STXBP5L: variants seen among roughly 807,000 people sequenced by gnomAD.
The protein encoded by STXBP5L is syntaxin binding protein 5L, also known as syntaxin-binding protein 5-like.
A neutral mutation model predicts 144.5 loss-of-function variants in STXBP5L; 65 were observed. The ratio of observed to expected loss-of-function variants is 0.45; its 90% CI spans 0.37 to 0.55. The LOEUF (loss-of-function observed/expected upper bound fraction) is 0.55, where lower values mean the gene tolerates loss of function less well. Among genes scored for constraint, STXBP5L ranks in the 20% least tolerant of loss-of-function variants. The pLI is 0.00. For missense variants in STXBP5L, 1,298 were observed against 1,405.5 expected (o/e 0.92, Z 1.22); for synonymous variants, 505 against 469.6 (o/e 1.08, Z -0.97).
chr3:121,064,472 C>T (rs1323593449), intron 5 of STXBP5L, among the ~76,000 whole-genome samples: 3 of 152,190 alleles, frequency 2.0e-5, no homozygotes, highest in Non-Finnish European at 2.9e-5. Flanking sequence ...TGAAAAATTC[C>T]ACAAACACCC....
intron 17 of STXBP5L, among the ~76,000 whole-genome samples, chr3:121,258,497 A>G (rs543075489): frequency 1.8e-4 from 27 of 152,312 alleles, no homozygotes; most frequent in Admixed American, 1.6e-3. Flanking sequence ...TACTGGGAGG[A>G]AAATCTACAA....
intron 3 of STXBP5L, among the ~76,000 whole-genome samples, chr3:121,007,329 T>C (rs1304059248): frequency 6.6e-6 from 1 of 152,062 alleles, no homozygotes. Context: ...AAAGAATATT[T>C]GTCTGTAGCT....
chr3:121,350,013 G>T (rs2045203003), intron 20 of STXBP5L, among the ~76,000 whole-genome samples: 1 of 152,042 alleles, frequency 6.6e-6, no homozygotes, highest in Non-Finnish European at 1.5e-5. Context: ...GATGTTAGCT[G>T]GTTATTTTGC....
At chr3:121,077,581 T>C (rs914776960) in intron 5 of STXBP5L, among the ~76,000 whole-genome samples, 1 of 152,162 alleles carries the variant, frequency 6.6e-6, no homozygotes, top group Non-Finnish European at 1.5e-5. Context: ...GAAGGGGACC[T>C]GAGCGGGTTG....
chr3:121,029,835 GAAAA>G (rs553181828), intron 3 of STXBP5L, among the ~76,000 whole-genome samples: 19 of 143,122 alleles, frequency 1.3e-4, no homozygotes, highest in African/African-American at 3.8e-4. Context: ...AAATTTACAA[GAAAA>G]AAAAAACCCC....
chr3:121,024,169 G>T (rs617721), intron 3 of STXBP5L, among the ~76,000 whole-genome samples: 1 of 151,946 alleles, frequency 6.6e-6, no homozygotes, highest in African/African-American at 2.4e-5. Flanking sequence ...TGCAAAACAT[G>T]TATCTAAAAA....
chr3:121,302,165 A>G (rs1259865831), intron 19 of STXBP5L, among the ~76,000 whole-genome samples: 1 of 152,236 alleles, frequency 6.6e-6, no homozygotes, highest in South Asian at 2.1e-4. Flanking sequence ...GGCTGTGAAT[A>G]CATCTGGTCC....
chr3:121,141,403 CAAA>C (rs11441021), intron 7 of STXBP5L, among the ~76,000 whole-genome samples: 1 of 146,532 alleles, frequency 6.8e-6, no homozygotes, highest in Non-Finnish European at 1.5e-5. Context: ...AACTCTGTCT[CAAA>C]AAAAAAAATG....
intron 7 of STXBP5L, among the ~76,000 whole-genome samples, chr3:121,132,591 G>T (rs1449971513): frequency 6.6e-6 from 1 of 152,128 alleles, no homozygotes; most frequent in Non-Finnish European, 1.5e-5. Context: ...AGTGCAGAAA[G>T]CAACATAGAG....
At chr3:121,166,343 GC>G (rs1252164620) in intron 9 of STXBP5L, among the ~76,000 whole-genome samples, 4 of 151,932 alleles carry the variant, frequency 2.6e-5, no homozygotes, top group Non-Finnish European at 5.9e-5. Context: ...CTGTCTCCTT[GC>G]TTTTCTGTAC....
At chr3:121,404,662 T>C (rs368290506) in intron 22 of STXBP5L, among the ~76,000 whole-genome samples, 4 of 152,268 alleles carry the variant, frequency 2.6e-5, no homozygotes, top group East Asian at 1.9e-4. Context: ...TTTATTCTAC[T>C]TGTAAGCTAA....
chr3:121,286,979 A>C (rs889645874), intron 19 of STXBP5L, among the ~76,000 whole-genome samples: 1 of 152,210 alleles, frequency 6.6e-6, no homozygotes, highest in African/African-American at 2.4e-5. Flanking sequence ...TGAGAAACCA[A>C]AGAAACCAAA....
chr3:121,198,819 T>G (rs774084179), intron 9 of STXBP5L, among the ~76,000 whole-genome samples: 6 of 152,106 alleles, frequency 3.9e-5, no homozygotes, highest in Non-Finnish European at 8.8e-5. Context: ...ATTTCTGAGG[T>G]CTTTGTTCTG....
chr3:121,157,465 T>G, intron 8 of STXBP5L, 39 bp from the exon 9 acceptor site: 1 of 1,538,708 alleles, frequency 6.5e-7, no homozygotes, highest in Non-Finnish European at 8.7e-7. Flanking sequence ...CCTATCTACT[T>G]TTTTCCCCCT....
At chr3:121,000,018 C>CAT (rs1943646184) in intron 3 of STXBP5L, among the ~76,000 whole-genome samples, 2 of 152,106 alleles carry the variant, frequency 1.3e-5, no homozygotes, top group African/African-American at 4.8e-5. Flanking sequence ...GTGACCTCCC[C>CAT]TTCTCTCTAG....
chr3:121,314,950 C>T lies in STXBP5L; in HGVS notation c.2111-3525C>T, dbSNP rs868208921. 3.9e-5 allele frequency among the ~76,000 whole-genome samples: 6 copies of T among 152,142 alleles called. No individual in the cohort carries two copies. In the South Asian group the frequency reaches 1.3e-3, roughly 32 times the overall value. On this transcript the variant is annotated intron_variant, in intron 19 of 26. Coordinates refer to ENST00000471454, the MANE Select transcript of STXBP5L (RefSeq NM_001308330.2). ...CCACAATGAGATACCATCTCACACC[C>T]GTTAGAATGGCAATCATTAAAAAGT...
intron 12 of STXBP5L, among the ~76,000 whole-genome samples, chr3:121,234,703 G>A (rs1334108664): frequency 1.3e-5 from 2 of 151,680 alleles, no homozygotes; most frequent in African/African-American, 4.8e-5. Context: ...TATTGTTCTC[G>A]GTGTTTGGAA....
At chr3:121,210,782 T>G (rs181227461) in intron 10 of STXBP5L, among the ~76,000 whole-genome samples, 1 of 152,302 alleles carries the variant, frequency 6.6e-6, no homozygotes, top group Admixed American at 6.5e-5. Flanking sequence ...TCTGTTCCAT[T>G]AGTCTATATC....
At chr3:121,269,413 A>ATG (rs1050322506) in intron 18 of STXBP5L, among the ~76,000 whole-genome samples, 14 of 151,576 alleles carry the variant, frequency 9.2e-5, no homozygotes, top group East Asian at 5.8e-4. Context: ...ACAGTATTAT[A>ATG]TGTGTGTGTG....
Sources: gnomAD v4.1 joint callset for allele counts (sites outside exome capture counted in the v4.1 genomes callset) on GRCh38, gnomAD v4.1.1 for gene constraint, MANE v1.5 for transcripts, NCBI Gene and HGNC (gene_info 2026-07-23, HGNC 2026-07-21) for gene names.